Variants in GPR75 observed in about 807,000 individuals in gnomAD.
GPR75 encodes the protein G protein-coupled receptor 75.
A neutral mutation model predicts 26.0 loss-of-function variants in GPR75; 27 were observed. The observed-to-expected ratio is 1.04, with a 90% CI of 0.77 to 1.43. The LOEUF is 1.43. GPR75 is among the 40% of genes most tolerant of loss of function. The probability of loss-of-function intolerance (pLI) is 0.00; values close to 1 mark genes in which losing one functional copy is unlikely to be tolerated. For synonymous variants in GPR75, 285 were observed against 256.3 expected, an observed-to-expected ratio of 1.11 and a Z score of -1.07; for missense variants, 699 against 662.3, an observed-to-expected ratio of 1.06 and a Z score of -0.61.
rs1390197872 is a variant in GPR75, at chr2:53,858,442, C to CACACAT, written c.-110+1385_-110+1386insATGTGT. ...ACACACACACACACACACACACACA[C>CACACAT]ATTCTTCTATGTATCTAACTGTAGT... is the stretch of plus-strand genomic sequence containing the variant. On this transcript the variant is annotated intron_variant, in intron 1 of 1. Coordinates refer to ENST00000394705, the MANE Select transcript of GPR75 (RefSeq NM_006794.4). 1.2e-4 allele frequency among the ~76,000 whole-genome samples: 17 copies of CACACAT among 145,456 alleles called. No individual in the cohort carries two copies. In the East Asian group the frequency reaches 3.6e-3, roughly 30 times the overall value.
chr2:53,854,707 T>C lies in GPR75; in HGVS notation c.50A>G (p.His17Arg), dbSNP rs377448721. ...LQDAPNATSL[H>R]VPHSQEGNST... The stretch of plus-strand genomic sequence containing the variant: ...GTTTCCTTCCTGTGAGTGAGGCACA[T>C]GGAGCGAGGTGGCATTGGGGGCATC... The change falls in exon 2 of 2, where the codon CAT becomes CGT. Residue 17 changes from histidine to arginine, a missense_variant. By Grantham distance (29) the His-to-Arg change is conservative. Coordinates refer to ENST00000394705, the MANE Select transcript of GPR75 (RefSeq NM_006794.4). The C allele has an allele frequency of 1.2e-6, 2 of 1,614,014 alleles. No homozygotes were observed. Among genetic ancestry groups the C allele is most frequent in the Non-Finnish European group, 1.7e-6 (2 of 1,179,978 alleles).
In GPR75 at chr2:53,853,891, G is replaced by C; in HGVS notation, c.866C>G (p.Thr289Ser). 6.2e-7 allele frequency: 1 copy of C among 1,614,014 alleles called. No individual in the cohort carries two copies. Among genetic ancestry groups the C allele is most frequent in the Non-Finnish European group, 8.5e-7 (1 of 1,179,966 alleles). The change falls in exon 2 of 2, where the codon ACC (threonine) becomes AGC (serine). Residue 289 changes from threonine (T) to serine (S), a missense_variant. Transcript: ENST00000394705. ...GGTGACCAGTTGGTTGGGACTCTTG[G>C]TATATCCACGGGTCTGAACGTGCTG... The part of the protein sequence containing the change: ...KLQHVQTRGY[T>S]KSPNQLVTPA...
chr2:53,853,599 T>C lies in GPR75; in HGVS notation c.1158A>G (p.Lys386=), dbSNP rs1333893198. The C allele has an allele frequency of 7.4e-6, 12 of 1,613,914 alleles. No individual in the cohort carries two copies. Among genetic ancestry groups the C allele is most frequent in the Non-Finnish European group, 9.3e-6 (11 of 1,179,878 alleles). Residue 386 remains lysine, a synonymous_variant, in exon 2 of 2, where the codon AAA becomes AAG. Transcript: ENST00000394705. ...CTATGTATTGGAGGCACCAGAGCAC[T>C]TTCCTTCTCAGCCCTGCACTGTTCC... ...YSRNSAGLRR[K]VLWCLQYIGL...
chr2:53,858,829 G>T lies in GPR75; in HGVS notation c.-110+999C>A, dbSNP rs979377131. Among the ~76,000 whole-genome samples, 5 of 152,122 alleles carry T rather than the reference G, an allele frequency of 3.3e-5. No homozygotes were observed. In the South Asian group the frequency reaches 1.0e-3, roughly 32 times the overall value. On this transcript the variant is annotated intron_variant, in intron 1 of 1. Coordinates refer to ENST00000394705, the MANE Select transcript of GPR75 (RefSeq NM_006794.4). Reference sequence around the variant, plus strand: ...AACATACAAGCTACTCTTCATCTCTGGGACGGAGAATAGGTTATAGAAGAT... The same window carrying T: ...AACATACAAGCTACTCTTCATCTCTTGGACGGAGAATAGGTTATAGAAGAT...
At position 53,854,566 on chromosome 2, in the gene GPR75, A is replaced by T; in HGVS notation, c.191T>A (p.Phe64Tyr). 1 of 1,614,108 alleles carries T rather than the reference A, an allele frequency of 6.2e-7. No homozygotes were observed. Among genetic ancestry groups the T allele is most frequent in the Non-Finnish European group, 8.5e-7 (1 of 1,179,992 alleles). Residue 64 changes from phenylalanine to tyrosine, a missense_variant, in exon 2 of 2, where the codon TTC becomes TAC. Coordinates refer to ENST00000394705, the MANE Select transcript of GPR75 (RefSeq NM_006794.4). ...CLGSYGNFIV[F>Y]LSFFDPAFRK... ...GAAGGCTGGATCGAAGAAGGACAAG[A>T]AGACAATGAAGTTGCCATAGGAACC... is the stretch of plus-strand genomic sequence containing the variant.
At chr2:53,859,749 C>T (rs1678328982) in intron 1 of GPR75, 79 bp downstream of exon 1, 1 of 1,147,196 alleles carries the variant, frequency 8.7e-7, no homozygotes. Context: ...CAGCCGCGCT[C>T]CTCGCTATCC....
rs1465591091 is a variant in GPR75, at chr2:53,854,286, G to A, written c.471C>T (p.Ser157=). The A allele has an allele frequency of 6.2e-7, 1 of 1,614,130 alleles. No individual in the cohort carries two copies. The highest frequency in any genetic ancestry group is 2.2e-5 in the East Asian group (1 of 44,868). ...VLGKQPNRTA[S]FPCTVLLTLL... ...GGGTGAGGAGTACGGTGCAGGGAAA[G>A]GAGGCCGTGCGATTAGGCTGTTTCC... Residue 157 remains serine, a synonymous_variant, in exon 2 of 2, where the codon TCC becomes TCT. Coordinates refer to ENST00000394705, the MANE Select transcript of GPR75 (RefSeq NM_006794.4).
intron 1 of GPR75, among the ~76,000 whole-genome samples, chr2:53,855,102 T>A (rs1239267464): frequency 6.6e-6 from 1 of 151,822 alleles, no homozygotes; most frequent in African/African-American, 2.4e-5. Flanking sequence ...ACTACAGGCA[T>A]GCACCACCAA....
intron 1 of GPR75, among the ~76,000 whole-genome samples, chr2:53,859,450 G>A (rs1384849349): frequency 1.3e-5 from 2 of 152,266 alleles, no homozygotes; most frequent in South Asian, 2.1e-4. Flanking sequence ...GGGAAACTGC[G>A]GGCAGGGAAG....
rs1573157706 is a variant in GPR75, at chr2:53,853,844, G to C, written c.913C>G (p.Leu305Val). 1 of 1,614,174 alleles carries C rather than the reference G, an allele frequency of 6.2e-7. No individual in the cohort carries two copies. The highest frequency in any genetic ancestry group is 8.5e-7 in the Non-Finnish European group (1 of 1,180,018). ...LVTPAASRLQ[L>V]VSAINLSTAK... ...GTGGAGAGGTTGATGGCTGATACGA[G>C]CTGGAGTCGGCTTGCTGCAGGGGTG... Residue 305 changes from leucine to valine, a missense_variant, in exon 2 of 2, where the codon CTC becomes GTC. Leu to Val is a conservative substitution (Grantham distance 32, BLOSUM62 1). Coordinates refer to ENST00000394705, the MANE Select transcript of GPR75 (RefSeq NM_006794.4).
chr2:53,856,983 G>A (rs1429525595), intron 1 of GPR75, among the ~76,000 whole-genome samples: 3 of 88,156 alleles, frequency 3.4e-5, no homozygotes, highest in African/African-American at 4.3e-5. Flanking sequence ...TTGAGACGGA[G>A]TCTCGCTCTG....
intron 1 of GPR75, 92 bp downstream of exon 1, chr2:53,859,736 G>T: frequency 1.0e-6 from 1 of 969,020 alleles, no homozygotes; most frequent in Admixed American, 2.7e-5. Context: ...GCCTGGCCCA[G>T]CGCAGCCGCG....
intron 1 of GPR75, among the ~76,000 whole-genome samples, chr2:53,858,674 G>A (rs545185347): frequency 6.6e-6 from 1 of 152,224 alleles, no homozygotes; most frequent in South Asian, 2.1e-4. Context: ...AGAAAAAGGA[G>A]GCTGTGACCA....
Position 53,853,529 on chromosome 2 carries a change from T to C in GPR75, c.1228A>G (p.Met410Val). ...TTGACTTCGAGGTTCCCTTTTCCCA[T>C]GGCTCGAAGTCGAGTCTTTTGTTTG... The part of the protein sequence containing the change: ...CCKQKTRLRA[M>V]GKGNLEVNRN... The change falls in exon 2 of 2, where the codon ATG (methionine) becomes GTG (valine). Residue 410 changes from methionine (M) to valine (V), a missense_variant. By Grantham distance (21) the Met-to-Val change is conservative. Transcript: ENST00000394705. 1 of 1,614,208 alleles carries C rather than the reference T, an allele frequency of 6.2e-7. No homozygotes were observed.
At chr2:53,856,425 G>A (rs941097683) in intron 1 of GPR75, among the ~76,000 whole-genome samples, 2 of 152,156 alleles carry the variant, frequency 1.3e-5, no homozygotes, top group Non-Finnish European at 2.9e-5. Context: ...AGAGGTCCAG[G>A]GCTGATGTTC....
rs765133450 is a variant in GPR75, at chr2:53,853,180, T to A, written c.1577A>T (p.Glu526Val). 6.2e-7 allele frequency: 1 copy of A among 1,613,856 alleles called. No individual in the cohort carries two copies. The highest frequency in any genetic ancestry group is 1.3e-5 in the African/African-American group (1 of 75,030). The change falls in exon 2 of 2, where the codon GAA becomes GTA. Residue 526 changes from glutamate (E) to valine (V), a missense_variant. Coordinates refer to ENST00000394705, the MANE Select transcript of GPR75 (RefSeq NM_006794.4). ...HYHTTNDLVQ[E>V]YDSTSAKQIP... ...CTGCTTGGCTGAAGTGCTGTCATATTCCTGCACTAAGTCATTAGTGGTGTG... is the reference window on the plus strand; with the variant it reads ...CTGCTTGGCTGAAGTGCTGTCATATACCTGCACTAAGTCATTAGTGGTGTG...
chr2:53,853,773 C>G lies in GPR75; in HGVS notation c.984G>C (p.Leu328=). The G allele has an allele frequency of 6.2e-7, 1 of 1,614,248 alleles. No homozygotes were observed. Among genetic ancestry groups the G allele is most frequent in the Non-Finnish European group, 8.5e-7 (1 of 1,180,052 alleles). ...KAVVTCVIIV[L]SVLVCCLPLG... ...GTGGAAGACAGCACACCAGGACTGA[C>G]AGCACAATGATCACACAGGTGACCA... The change falls in exon 2 of 2, where the codon CTG becomes CTC. Residue 328 remains leucine, a synonymous_variant. Transcript: ENST00000394705.
At position 53,854,644 on chromosome 2, in the gene GPR75, TG is replaced by T. The variant is rs1200430366; in HGVS notation, c.112del (p.His38ThrfsTer6). ...SLQEGLQDLIHTATLVTCTFL... is the reference protein window; with the variant it reads ...SLQEGLQDLIXTATLVTCTFL... The stretch of plus-strand genomic sequence containing the variant: ...AGTACAGGTCACCAAGGTGGCTGTG[TG>T]GATGAGATCCTGAAGACCCTCCTGG... On this transcript the variant is annotated frameshift_variant, in exon 2 of 2. Transcript: ENST00000394705. LOFTEE classifies it high-confidence loss of function. 1.9e-6 allele frequency: 3 copies of T among 1,614,110 alleles called. No homozygotes were observed. In the Admixed American group the frequency reaches 5.0e-5, roughly 27 times the overall value.
intron 1 of GPR75, 60 bp from the exon 2 acceptor site, chr2:53,854,925 T>C (rs1442300562): frequency 5.0e-6 from 3 of 600,638 alleles, no homozygotes; most frequent in Non-Finnish European, 3.0e-6. Flanking sequence ...CAGAAAGGAA[T>C]TCATACAGTG....
Sources: gnomAD v4.1 joint callset for allele counts (sites outside exome capture counted in the v4.1 genomes callset) on GRCh38, gnomAD v4.1.1 for gene constraint, MANE v1.5 for transcripts, NCBI Gene and HGNC (gene_info 2026-07-23, HGNC 2026-07-21) for gene names.